Variants in SAMD5 observed in about 807,000 individuals in gnomAD.
The protein encoded by SAMD5 is sterile alpha motif domain containing 5, also known as sterile alpha motif domain-containing protein 5.
A neutral mutation model predicts 11.3 loss-of-function variants in SAMD5; 13 were observed. That is an observed-to-expected ratio of 1.15 (90% CI 0.75 to 1.83). SAMD5 has a LOEUF of 1.83. Among genes scored for constraint, SAMD5 ranks in the 40% most tolerant of loss-of-function variants. SAMD5 has a pLI of 0.00. For missense variants in SAMD5, 255 were observed against 239.1 expected, an observed-to-expected ratio of 1.07 and a Z score of -0.44; for synonymous variants, 129 against 111.3, an observed-to-expected ratio of 1.16 and a Z score of -1.00.
At chr6:147,769,636 A>T in the SAMD5 span, among the ~76,000 whole-genome samples, 2 of 152,224 alleles carry the variant, frequency 1.3e-5, no homozygotes, top group African/African-American at 4.8e-5. Flanking sequence ...TTATGTCAGT[A>T]ATGTGTTCCC....
chr6:147,768,180 C>T, the SAMD5 span, among the ~76,000 whole-genome samples: 14 of 152,132 alleles, frequency 9.2e-5, no homozygotes, highest in Non-Finnish European at 8.8e-5. Flanking sequence ...TCAACACTGA[C>T]AAATGTTCAA....
the SAMD5 span, among the ~76,000 whole-genome samples, chr6:147,793,233 C>T: frequency 2.0e-5 from 3 of 152,078 alleles, no homozygotes; most frequent in Admixed American, 1.3e-4. Flanking sequence ...CGCCTTATCC[C>T]CCCCAAATCC....
chr6:147,634,823 G>C (rs908280747), intron 1 of SAMD5, among the ~76,000 whole-genome samples: 27 of 152,178 alleles, frequency 1.8e-4, no homozygotes, highest in Non-Finnish European at 3.1e-4. Flanking sequence ...ACAGAGTGAA[G>C]GTTGTTTAGG....
At chr6:147,586,490 A>G (rs1164459522) in intron 1 of SAMD5, among the ~76,000 whole-genome samples, 1 of 152,250 alleles carries the variant, frequency 6.6e-6, no homozygotes, top group East Asian at 1.9e-4. Flanking sequence ...CTCTATGGAT[A>G]TTTACGGAGA....
the SAMD5 span, among the ~76,000 whole-genome samples, chr6:147,903,632 G>A: frequency 1.9e-4 from 29 of 152,216 alleles, no homozygotes; most frequent in African/African-American, 6.0e-4. Flanking sequence ...AACATCAGCC[G>A]GGTGCGGTGG....
the SAMD5 span, among the ~76,000 whole-genome samples, chr6:147,875,789 G>A: frequency 1.3e-5 from 2 of 152,178 alleles, no homozygotes; most frequent in African/African-American, 4.8e-5. Context: ...TCCAGTGCCT[G>A]ATGATCTGTC....
chr6:147,878,113 A>T, the SAMD5 span, among the ~76,000 whole-genome samples: 266 of 151,758 alleles, frequency 1.8e-3, no homozygotes, highest in African/African-American at 5.8e-3. Flanking sequence ...TATATATATA[A>T]AATTTGGACT....
chr6:147,652,613 G>C (rs1790501488), intron 1 of SAMD5, among the ~76,000 whole-genome samples: 1 of 152,116 alleles, frequency 6.6e-6, no homozygotes, highest in African/African-American at 2.4e-5. Context: ...TGGCCTTCTG[G>C]GGCTCCTCAT....
chr6:147,551,429 GTAAT>G (rs1562318463), intron 1 of SAMD5, among the ~76,000 whole-genome samples: 1 of 152,128 alleles, frequency 6.6e-6, no homozygotes, highest in East Asian at 1.9e-4. Context: ...TTCTTTTAAC[GTAAT>G]TAAGTTCTTG....
the SAMD5 span, among the ~76,000 whole-genome samples, chr6:147,767,385 G>T: frequency 1.3e-5 from 2 of 151,992 alleles, no homozygotes; most frequent in Middle Eastern, 3.4e-3. Context: ...AAATCAAAGA[G>T]TTTGGGCCTT....
intron 1 of SAMD5, among the ~76,000 whole-genome samples, chr6:147,549,828 T>C (rs998140634): frequency 6.6e-6 from 1 of 151,960 alleles, no homozygotes; most frequent in Non-Finnish European, 1.5e-5. Flanking sequence ...TACTGTACAT[T>C]TATAGTAACT....
At chr6:147,910,609 C>T in the SAMD5 span, among the ~76,000 whole-genome samples, 52 of 152,212 alleles carry the variant, frequency 3.4e-4, no homozygotes, top group African/African-American at 1.2e-3. Flanking sequence ...CAAAAAACCT[C>T]GGATCCATAT....
At chr6:147,700,758 G>T (rs1791243206) in intron 1 of SAMD5, among the ~76,000 whole-genome samples, 1 of 152,206 alleles carries the variant, frequency 6.6e-6, no homozygotes, top group Admixed American at 6.5e-5. Context: ...AGAACAACTG[G>T]CATATTTTAA....
chr6:147,676,349 G>A (rs1249063179), intron 1 of SAMD5, among the ~76,000 whole-genome samples: 1 of 151,588 alleles, frequency 6.6e-6, no homozygotes, highest in Non-Finnish European at 1.5e-5. Context: ...CACTTCCTCA[G>A]CTCCTTCAGG....
At chr6:147,740,592 A>G (rs567352303), downstream of SAMD5, among the ~76,000 whole-genome samples, 13 of 152,178 alleles carry the variant, frequency 8.5e-5, no homozygotes, top group Admixed American at 6.5e-5. Context: ...CAGATCACAC[A>G]GGCCTAACCT....
chr6:147,886,014 A>G, the SAMD5 span, among the ~76,000 whole-genome samples: 1 of 152,230 alleles, frequency 6.6e-6, no homozygotes, highest in Non-Finnish European at 1.5e-5. Flanking sequence ...ATAAAGTACC[A>G]TAAAATAGAA....
the SAMD5 span, among the ~76,000 whole-genome samples, chr6:147,877,881 C>CACACACACACACACACGATA: frequency 1.2e-5 from 1 of 82,328 alleles, no homozygotes; most frequent in African/African-American, 4.6e-5. Context: ...CACACACACA[C>CACACACACACACACACGATA]GATAGATAGA....
At chr6:147,783,752 T>G in the SAMD5 span, among the ~76,000 whole-genome samples, 2 of 152,126 alleles carry the variant, frequency 1.3e-5, no homozygotes, top group African/African-American at 2.4e-5. Context: ...TAGCTTGTAA[T>G]GAGATTTAAT....
chr6:147,559,746 G>A (rs1583082831), intron 1 of SAMD5, among the ~76,000 whole-genome samples: 1 of 152,200 alleles, frequency 6.6e-6, no homozygotes, highest in South Asian at 2.1e-4. Flanking sequence ...TCTAGAGTAG[G>A]CCAAACATTT....
Sources: gnomAD v4.1 joint callset for allele counts (sites outside exome capture counted in the v4.1 genomes callset) on GRCh38, gnomAD v4.1.1 for gene constraint, MANE v1.5 for transcripts, NCBI Gene and HGNC (gene_info 2026-07-23, HGNC 2026-07-21) for gene names.